PHF2: variants seen among roughly 807,000 people sequenced by gnomAD.
PHF2 encodes the protein PHD finger protein 2, also known as lysine-specific demethylase PHF2.
In PHF2, 27 loss-of-function variants were observed where a neutral mutation model predicts 120.5. That is an observed-to-expected ratio of 0.22 (90% CI 0.17 to 0.31). The LOEUF (loss-of-function observed/expected upper bound fraction) is 0.31. Among genes scored for constraint, PHF2 ranks in the 10% least tolerant of loss-of-function variants. PHF2 has a pLI of 1.00. For synonymous variants in PHF2, 568 were observed against 592.5 expected (o/e 0.96, Z 0.60); for missense variants, 1,024 against 1,434.8 (o/e 0.71, Z 4.63).
At chr9:93,610,944 C>T (rs1825623281) in intron 1 of PHF2, among the ~76,000 whole-genome samples, 2 of 152,194 alleles carry the variant, frequency 1.3e-5, no homozygotes, top group Non-Finnish European at 2.9e-5. Context: ...TCCTGGCTTT[C>T]GTGTCCTTGT....
chr9:93,591,368 AG>A (rs1438320558), intron 1 of PHF2, among the ~76,000 whole-genome samples: 2 of 152,262 alleles, frequency 1.3e-5, no homozygotes, highest in African/African-American at 4.8e-5. Flanking sequence ...CAAGTCTAGT[AG>A]AACAGTTTGG....
chr9:93,641,339 A>T (rs1258125410), intron 3 of PHF2, among the ~76,000 whole-genome samples: 1 of 152,240 alleles, frequency 6.6e-6, no homozygotes, highest in Non-Finnish European at 1.5e-5. Context: ...ATCTACACTT[A>T]ACTTTTGGCA....
chr9:93,656,486 T>C lies in PHF2; in HGVS notation c.1041-3T>C. 6.2e-7 allele frequency: 1 copy of C among 1,605,492 alleles called. No individual in the cohort carries two copies. On this transcript the variant is annotated splice_polypyrimidine_tract_variant and splice_region_variant and intron_variant, in intron 8 of 21. Transcript: ENST00000359246. This position sits in a 1 kb window ranked among gnomAD's most constrained non-coding sequence, Gnocchi z 4.1. ...CTGAGAACTGCTCTTTGGTGGCTTC[T>C]AGAGCATATGAAGTGGAAAGGAGGT...
chr9:93,607,374 C>T (rs1392095373), intron 1 of PHF2, among the ~76,000 whole-genome samples: 5 of 151,424 alleles, frequency 3.3e-5, no homozygotes, highest in African/African-American at 1.2e-4. Flanking sequence ...TGGGTTCAAG[C>T]GATCCTCCCA....
chr9:93,639,036 C>T (rs1426762073), intron 3 of PHF2, among the ~76,000 whole-genome samples: 1 of 152,070 alleles, frequency 6.6e-6, no homozygotes, highest in African/African-American at 2.4e-5. Flanking sequence ...TTTTCTTTTT[C>T]AAGTTTGTTT....
chr9:93,641,795 C>A (rs1057431964), intron 3 of PHF2, among the ~76,000 whole-genome samples: 26 of 152,340 alleles, frequency 1.7e-4, no homozygotes, highest in Middle Eastern at 3.4e-3. Context: ...TGAAGTCTAA[C>A]TTACCTCTTT....
intron 3 of PHF2, among the ~76,000 whole-genome samples, chr9:93,639,488 A>G (rs1443931011): frequency 6.6e-6 from 1 of 152,094 alleles, no homozygotes; most frequent in Non-Finnish European, 1.5e-5. Context: ...TTAGTATTTT[A>G]TATATACATA....
At chr9:93,633,647 C>T (rs1355287488) in intron 2 of PHF2, among the ~76,000 whole-genome samples, 1 of 152,218 alleles carries the variant, frequency 6.6e-6, no homozygotes, top group Non-Finnish European at 1.5e-5. Flanking sequence ...GACCTTGGCA[C>T]GGCCCCACGT....
chr9:93,656,525 C>T lies in PHF2; in HGVS notation c.1077C>T (p.Ser359=). ...TGGAAAGGAGGTTGAAACTGGGCAG[C>T]CTGACTCAGTTTCCCAACTTTGAAA... ...YEVERRLKLG[S]LTQFPNFETA... is the part of the protein sequence containing the mutation. Residue 359 remains serine, a synonymous_variant, in exon 9 of 22, where the codon AGC becomes AGT. Coordinates refer to ENST00000359246, the MANE Select transcript of PHF2 (RefSeq NM_005392.4). This position sits in a 1 kb window ranked among gnomAD's most constrained non-coding sequence, Gnocchi z 4.1. 4 of 1,613,794 alleles carry T rather than the reference C, an allele frequency of 2.5e-6. No individual in the cohort carries two copies. Among genetic ancestry groups the T allele is most frequent in the African/African-American group, 2.7e-5 (2 of 74,998 alleles).
At chr9:93,612,935 T>C (rs10123378) in intron 1 of PHF2, among the ~76,000 whole-genome samples, 56,443 of 152,144 alleles carry the variant, frequency 0.37, 10,805 homozygotes, top group Non-Finnish European at 0.4. Flanking sequence ...TTCTCTCTAA[T>C]TGCACCCTTC....
At chr9:93,635,758 A>G (rs147470729) in intron 2 of PHF2, among the ~76,000 whole-genome samples, 98 of 152,302 alleles carry the variant, frequency 6.4e-4, no homozygotes, top group African/African-American at 2.3e-3. Context: ...ATGTGCTCAC[A>G]TGCACATGTA....
intron 2 of PHF2, among the ~76,000 whole-genome samples, chr9:93,635,295 T>A (rs919056760): frequency 1.3e-5 from 2 of 150,202 alleles, no homozygotes; most frequent in African/African-American, 4.9e-5. Flanking sequence ...GGTCATTAGC[T>A]CCCTTTGTCC....
rs1419504172 is a variant in PHF2 at position 93,677,934 on chromosome 9, C to T, written c.*258C>T. The T allele has an allele frequency of 3.6e-5, 17 of 471,656 alleles. No individual in the cohort carries two copies. The highest frequency in any genetic ancestry group is 1.7e-4 in the South Asian group (6 of 35,300). 29.2% of individuals were successfully genotyped at this position (471,656 alleles called of 1,614,324 possible). ...AAAGCGGCCCTGCAAGTTTGAGGACCGCTTATTCCACTTTAAGGACAGCCT... is the reference window on the plus strand; with the variant it reads ...AAAGCGGCCCTGCAAGTTTGAGGACTGCTTATTCCACTTTAAGGACAGCCT... On this transcript the variant is annotated 3_prime_UTR_variant, in exon 22 of 22. Coordinates refer to ENST00000359246, the MANE Select transcript of PHF2 (RefSeq NM_005392.4). This position sits in a 1 kb window ranked among gnomAD's most constrained non-coding sequence, Gnocchi z 4.4.
Position 93,656,378 on chromosome 9 carries a change from T to C in PHF2, c.1041-111T>C, listed in dbSNP as rs1826460038. Reference sequence around the variant, plus strand: ...GTTTTCCCCTGGTCCTCCTCAGCTATGCAGGGCCCAGTGGGGAGGCCTGAG... The same window carrying C: ...GTTTTCCCCTGGTCCTCCTCAGCTACGCAGGGCCCAGTGGGGAGGCCTGAG... On this transcript the variant is annotated intron_variant, in intron 8 of 21. Coordinates refer to ENST00000359246, the MANE Select transcript of PHF2 (RefSeq NM_005392.4). The surrounding 1 kb of genome is among the most constrained non-coding windows in gnomAD (Gnocchi z 4.1). 5.1e-6 allele frequency: 4 copies of C among 784,282 alleles called. No individual in the cohort carries two copies. The highest frequency in any genetic ancestry group is 2.2e-6 in the Non-Finnish European group (1 of 460,058). The allele number at this position is 784,282 out of a possible 1,614,324, so 48.6% of individuals were successfully genotyped here. A position where few individuals can be genotyped will look rare whatever the true frequency, so the allele number is the denominator to read the frequency against.
In PHF2 at chr9:93,666,181, GC is replaced by G. The variant is rs1363483677; in HGVS notation, c.2187+125del. 10 of 898,074 alleles carry G rather than the reference GC, an allele frequency of 1.1e-5. No homozygotes were observed. In the Admixed American group the frequency reaches 2.2e-4, roughly 20 times the overall value. The allele number at this position is 898,074 out of a possible 1,614,324, so 55.6% of individuals were successfully genotyped here. A position where few individuals can be genotyped will look rare whatever the true frequency, so the allele number is the denominator to read the frequency against. ...TGTTTCTGCATGAGATGGCAAAGGG[GC>G]CCCTTACCCTCACCCCACCCTTTCA... On this transcript the variant is annotated intron_variant, in intron 16 of 21. Transcript: ENST00000359246.
chr9:93,632,731 T>C (rs932477221), intron 2 of PHF2, among the ~76,000 whole-genome samples: 1 of 152,138 alleles, frequency 6.6e-6, no homozygotes, highest in Non-Finnish European at 1.5e-5. Flanking sequence ...CAGATAAATT[T>C]TGGTGGGATG....
chr9:93,638,842 C>T (rs1029581235), intron 3 of PHF2, among the ~76,000 whole-genome samples: 3 of 152,178 alleles, frequency 2.0e-5, no homozygotes, highest in Non-Finnish European at 4.4e-5. Context: ...CCTCAGCCTC[C>T]TAAGTAGCTG....
chr9:93,622,786 G>C (rs1272051853), intron 1 of PHF2, among the ~76,000 whole-genome samples: 2 of 152,190 alleles, frequency 1.3e-5, no homozygotes, highest in African/African-American at 4.8e-5. Flanking sequence ...CTCACGCCAA[G>C]TCTTGTCCCC....
chr9:93,607,318 C>T (rs1377807784), intron 1 of PHF2, among the ~76,000 whole-genome samples: 1 of 152,098 alleles, frequency 6.6e-6, no homozygotes, highest in African/African-American at 2.4e-5. Flanking sequence ...GTCACCCAGG[C>T]TGGAGTGCAG....
Sources: allele counts gnomAD v4.1 joint callset (sites outside exome capture counted in the v4.1 genomes callset), GRCh38; gene constraint gnomAD v4.1.1; non-coding constraint Gnocchi (gnomAD v3.1); transcripts MANE v1.5; gene names NCBI Gene and HGNC (gene_info 2026-07-23, HGNC 2026-07-21).